The following GRK4 variants were observed in gnomAD, a reference collection of about 807,000 sequenced individuals.
The protein encoded by GRK4 is G protein-coupled receptor kinase 2-like.
In GRK4, 73 loss-of-function variants were observed where a neutral mutation model predicts 77.9. The observed-to-expected ratio is 0.94, with a 90% CI of 0.78 to 1.14. The LOEUF is 1.14. Ranked by LOEUF, GRK4 falls within the 50% of genes most tolerant of loss-of-function variation. The pLI is 0.00. For missense variants in GRK4, 729 were observed against 700.2 expected, an observed-to-expected ratio of 1.04 and a Z score of -0.46; for synonymous variants, 257 against 254.4, an observed-to-expected ratio of 1.01 and a Z score of -0.10.
intron 14 of GRK4, among the ~76,000 whole-genome samples, chr4:3,037,846 C>G (rs961647744): frequency 9.4e-5 from 14 of 149,362 alleles, no homozygotes; most frequent in African/African-American, 3.2e-4. Flanking sequence ...ACCTGGGAGG[C>G]AGAAGTTGCA....
chr4:3,009,617 A>G (rs1222066979), intron 6 of GRK4, 31 bp from the exon 7 acceptor site: 1 of 1,550,644 alleles, frequency 6.4e-7, no homozygotes, highest in South Asian at 1.1e-5. Flanking sequence ...ATGCAATGTG[A>G]GACCTGAAAC....
intron 1 of GRK4, among the ~76,000 whole-genome samples, chr4:2,983,046 C>T (rs1723283832): frequency 6.6e-6 from 1 of 152,196 alleles, no homozygotes; most frequent in Non-Finnish European, 1.5e-5. Context: ...GAGTCCAGAG[C>T]TCATGATCTC....
intron 5 of GRK4, 79 bp downstream of exon 5, chr4:3,004,413 C>A: frequency 2.2e-6 from 2 of 905,290 alleles, no homozygotes; most frequent in Non-Finnish European, 3.6e-6. Context: ...GGTTTCTCTG[C>A]ATAAGACAAG....
intron 1 of GRK4, among the ~76,000 whole-genome samples, chr4:2,981,054 G>A (rs998227020): frequency 5.9e-5 from 9 of 152,380 alleles, no homozygotes; most frequent in Admixed American, 2.0e-4. Context: ...TAGACCAAGC[G>A]TACTGCAAGC....
chr4:3,019,495 T>A lies in GRK4; in HGVS notation c.742-146T>A, dbSNP rs1395061875. The stretch of plus-strand genomic sequence containing the variant: ...CAAGGTCCAAGAGGCACGTGATATG[T>A]CCTGTACATTTCTCTGAAACATATA... On this transcript the variant is annotated intron_variant, in intron 8 of 15. Transcript: ENST00000398052. 8.2e-6 allele frequency: 6 copies of A among 729,566 alleles called. No homozygotes were observed. The East Asian group carries it at 1.4e-4, about 17-fold the overall frequency. 45.2% of individuals were successfully genotyped at this position (729,566 alleles called of 1,614,324 possible).
At chr4:3,035,169 C>G (rs1445310991) in intron 12 of GRK4, among the ~76,000 whole-genome samples, 2 of 151,922 alleles carry the variant, frequency 1.3e-5, no homozygotes, top group African/African-American at 2.4e-5. Context: ...GGCGTGAACC[C>G]GGGAGGCTGA....
chr4:3,015,863 C>T (rs551117896), intron 8 of GRK4, among the ~76,000 whole-genome samples: 33 of 151,006 alleles, frequency 2.2e-4, no homozygotes, highest in African/African-American at 8.0e-4. Flanking sequence ...CACTTGAGCC[C>T]AGGAGTTTGA....
intron 4 of GRK4, among the ~76,000 whole-genome samples, chr4:2,998,368 A>G (rs1728573796): frequency 6.6e-6 from 1 of 152,094 alleles, no homozygotes; most frequent in Non-Finnish European, 1.5e-5. Context: ...AAAAAAAAAG[A>G]AAAGAAAAGG....
At chr4:3,036,841 G>T (rs1049255127) in intron 13 of GRK4, among the ~76,000 whole-genome samples, 3 of 152,170 alleles carry the variant, frequency 2.0e-5, no homozygotes, top group Non-Finnish European at 2.9e-5. Flanking sequence ...CGGGTGCTTT[G>T]CCAGGAGTGC....
At chr4:3,015,109 G>T (rs1464557309) in intron 8 of GRK4, among the ~76,000 whole-genome samples, 2 of 152,172 alleles carry the variant, frequency 1.3e-5, no homozygotes, top group African/African-American at 4.8e-5. Context: ...GGGCGGACTG[G>T]TATGAGCTCA....
intron 2 of GRK4, 86 bp from the exon 3 acceptor site, chr4:2,988,641 C>T (rs1298814133): frequency 6.9e-6 from 5 of 721,296 alleles, no homozygotes; most frequent in African/African-American, 3.5e-5. Flanking sequence ...TTTACTGTAT[C>T]GAGTGAGAAC....
At chr4:3,038,796 C>G (rs1310221219) in intron 15 of GRK4, 1 of 348,644 alleles carries the variant, frequency 2.9e-6, no homozygotes, top group Non-Finnish European at 5.2e-6. Flanking sequence ...ATAGTTTACA[C>G]TGGGCTCAGA....
chr4:3,032,840 G>A (rs1406594401), intron 12 of GRK4, among the ~76,000 whole-genome samples: 2 of 152,214 alleles, frequency 1.3e-5, no homozygotes, highest in African/African-American at 4.8e-5. Context: ...GGGTTCTATG[G>A]GTTAACGACG....
At chr4:3,030,979 G>A (rs1578381339) in intron 12 of GRK4, among the ~76,000 whole-genome samples, 1 of 152,230 alleles carries the variant, frequency 6.6e-6, no homozygotes, top group Admixed American at 6.5e-5. Flanking sequence ...GAGTAAAGGT[G>A]ACGCAGACCT....
In GRK4 at chr4:3,035,430, G is replaced by A. The variant is rs1740329932; in HGVS notation, c.1314G>A (p.Glu438=). Residue 438 remains glutamate (E), a synonymous_variant, in exon 13 of 16, where the codon GAG becomes GAA. Coordinates refer to ENST00000398052, the MANE Select transcript of GRK4 (RefSeq NM_182982.3). ...NPSKRLGCRG[E]GAAGVKQHPV... ...GCAAGCGGCTGGGCTGCAGGGGCGAGGGAGCGGCTGGGGTGAAGCAGCACC... is the reference window on the plus strand; with the variant it reads ...GCAAGCGGCTGGGCTGCAGGGGCGAAGGAGCGGCTGGGGTGAAGCAGCACC... The A allele has an allele frequency of 6.2e-7, 1 of 1,613,924 alleles. No individual in the cohort carries two copies. The highest frequency in any genetic ancestry group is 8.5e-7 in the Non-Finnish European group (1 of 1,179,946).
At chr4:3,001,211 G>A (rs1402167413) in intron 4 of GRK4, among the ~76,000 whole-genome samples, 5 of 131,806 alleles carry the variant, frequency 3.8e-5, no homozygotes, top group Admixed American at 3.8e-4. Context: ...ATGTGTATGT[G>A]TATATATATG....
At chr4:3,008,542 G>A (rs748246570) in intron 6 of GRK4, among the ~76,000 whole-genome samples, 1 of 152,208 alleles carries the variant, frequency 6.6e-6, no homozygotes, top group African/African-American at 2.4e-5. Flanking sequence ...AGTGGCTCAT[G>A]CCGGTAATCC....
At chr4:3,034,047 T>G (rs952026357) in intron 12 of GRK4, among the ~76,000 whole-genome samples, 7 of 152,188 alleles carry the variant, frequency 4.6e-5, no homozygotes, top group Admixed American at 2.0e-4. Context: ...CTGGCAATAA[T>G]GGCGCGTCCA....
chr4:3,019,594 T>C (rs1207362925), intron 8 of GRK4, 47 bp from the exon 9 acceptor site: 1 of 1,466,414 alleles, frequency 6.8e-7, no homozygotes, highest in South Asian at 1.2e-5. Flanking sequence ...AAATCACCAA[T>C]GAAAGAGCAA....
Sources: allele counts gnomAD v4.1 joint callset (sites outside exome capture counted in the v4.1 genomes callset), GRCh38; gene constraint gnomAD v4.1.1; transcripts MANE v1.5; gene names NCBI Gene and HGNC (gene_info 2026-07-23, HGNC 2026-07-21).